The following PTPRD variants were observed in gnomAD, a reference collection of about 807,000 sequenced individuals.
PTPRD encodes receptor-type tyrosine-protein phosphatase delta.
In PTPRD, 34 loss-of-function variants were observed where a neutral mutation model predicts 214.5. The ratio of observed to expected loss-of-function variants is 0.16; its 90% CI spans 0.12 to 0.21. PTPRD has a LOEUF of 0.21. Among genes scored for constraint, PTPRD ranks in the 10% least tolerant of loss-of-function variants. The pLI, the probability that PTPRD is intolerant of heterozygous loss-of-function variation, is 1.00. For synonymous variants in PTPRD, 1,128 were observed against 845.7 expected (o/e 1.33, Z -5.79); for missense variants, 2,545 against 2,398.7 (o/e 1.06, Z -1.27).
intron 8 of PTPRD, among the ~76,000 whole-genome samples, chr9:9,511,012 A>C (rs1186514263): frequency 1.3e-5 from 2 of 151,766 alleles, no homozygotes; most frequent in Non-Finnish European, 1.5e-5. Flanking sequence ...AAAATTAATG[A>C]AGTCGAGCAA....
chr9:8,574,818 CCAAA>C (rs1443316704), intron 14 of PTPRD, among the ~76,000 whole-genome samples: 2 of 151,850 alleles, frequency 1.3e-5, no homozygotes, highest in African/African-American at 4.8e-5. Context: ...CTGCTGAACT[CCAAA>C]CAAACTTATA....
intron 5 of PTPRD, among the ~76,000 whole-genome samples, chr9:9,926,114 GC>G (rs1370717595): frequency 1.3e-5 from 2 of 152,124 alleles, no homozygotes; most frequent in Admixed American, 6.6e-5. Flanking sequence ...ACAGGCATCA[GC>G]CACTGCACCT....
chr9:9,336,005 T>C (rs1183044060), intron 9 of PTPRD, among the ~76,000 whole-genome samples: 1 of 151,988 alleles, frequency 6.6e-6, no homozygotes, highest in Non-Finnish European at 1.5e-5. Context: ...GAAATTGGAA[T>C]TTCAGGAAAA....
chr9:9,401,058 C>T (rs2070224761), intron 8 of PTPRD, among the ~76,000 whole-genome samples: 1 of 151,854 alleles, frequency 6.6e-6, no homozygotes, highest in African/African-American at 2.4e-5. Flanking sequence ...ATATTATTAC[C>T]TTCTCTGTAT....
intron 11 of PTPRD, among the ~76,000 whole-genome samples, chr9:8,829,394 T>A (rs1230531063): frequency 6.6e-6 from 1 of 152,178 alleles, no homozygotes; most frequent in Non-Finnish European, 1.5e-5. Flanking sequence ...TTTGTACCCT[T>A]TTGTTTCTGG....
chr9:10,352,638 G>GAA (rs2097202338), intron 2 of PTPRD, among the ~76,000 whole-genome samples: 1 of 151,980 alleles, frequency 6.6e-6, no homozygotes, highest in African/African-American at 2.4e-5. Context: ...GTAATTGAAT[G>GAA]TATTGCTTGT....
intron 2 of PTPRD, among the ~76,000 whole-genome samples, chr9:10,507,105 G>A (rs1292671907): frequency 6.6e-6 from 1 of 151,912 alleles, no homozygotes; most frequent in African/African-American, 2.4e-5. Flanking sequence ...AAAGTCTCGG[G>A]ATAAAAAATC....
At chr9:9,334,168 C>T (rs1027096526) in intron 9 of PTPRD, among the ~76,000 whole-genome samples, 1 of 151,936 alleles carries the variant, frequency 6.6e-6, no homozygotes, top group African/African-American at 2.4e-5. Context: ...TTACTTAAGT[C>T]TCACTCCAAA....
At chr9:8,926,136 C>T (rs1197966858) in intron 11 of PTPRD, among the ~76,000 whole-genome samples, 1 of 152,022 alleles carries the variant, frequency 6.6e-6, no homozygotes, top group Non-Finnish European at 1.5e-5. Context: ...GTGCCCTCTT[C>T]CATCATACTC....
intron 10 of PTPRD, among the ~76,000 whole-genome samples, chr9:9,035,805 A>C (rs778400749): frequency 2.6e-5 from 4 of 152,010 alleles, no homozygotes; most frequent in Non-Finnish European, 4.4e-5. Context: ...TGTAATGCAC[A>C]TGACAGTCTG....
chr9:8,490,822 A>G (rs13301979), intron 27 of PTPRD, among the ~76,000 whole-genome samples: 12,198 of 152,176 alleles, frequency 0.08, 658 homozygotes, highest in East Asian at 0.21. Flanking sequence ...GGTATAATAA[A>G]CAAATATCCC....
chr9:9,064,872 C>A lies in PTPRD; in HGVS notation c.-142-46137G>T, dbSNP rs144145856. ...TAAGCAAATAGCTTATGGGTCTAGA[C>A]AGCAGTCATGAAGATACAATACAAT... On this transcript the variant is annotated intron_variant, in intron 10 of 45. Coordinates refer to ENST00000381196, the MANE Select transcript of PTPRD (RefSeq NM_002839.4). Among the ~76,000 whole-genome samples the A allele has an allele frequency of 3.3e-5, 5 of 152,292 alleles. No individual in the cohort carries two copies. In the East Asian group the frequency reaches 5.8e-4, roughly 18 times the overall value.
intron 7 of PTPRD, among the ~76,000 whole-genome samples, chr9:9,692,024 A>T (rs1235335462): frequency 6.6e-6 from 1 of 151,970 alleles, no homozygotes; most frequent in East Asian, 1.9e-4. Context: ...CTGGTTATTA[A>T]TCTCCTGTCA....
chr9:8,393,590 G>C (rs892778182), intron 36 of PTPRD, among the ~76,000 whole-genome samples: 2 of 152,222 alleles, frequency 1.3e-5, no homozygotes, highest in South Asian at 4.1e-4. Context: ...CTTTGTTCAA[G>C]AACAGCTTAC....
At chr9:10,480,488 C>T (rs1439868175) in intron 2 of PTPRD, among the ~76,000 whole-genome samples, 1 of 151,758 alleles carries the variant, frequency 6.6e-6, no homozygotes, top group Non-Finnish European at 1.5e-5. Flanking sequence ...ATTCATATGC[C>T]ATACTCAAAG....
chr9:8,681,137 C>G (rs2097541803), intron 12 of PTPRD, among the ~76,000 whole-genome samples: 1 of 152,172 alleles, frequency 6.6e-6, no homozygotes, highest in Admixed American at 6.5e-5. Context: ...CATTCCCAAT[C>G]ACGCCTCATG....
intron 3 of PTPRD, among the ~76,000 whole-genome samples, chr9:10,332,366 T>A (rs1797248195): frequency 6.6e-6 from 1 of 151,798 alleles, no homozygotes; most frequent in Admixed American, 6.6e-5. Flanking sequence ...TCAGCAAGGA[T>A]CTCCTGCCCA....
chr9:9,129,583 T>C (rs1055899553), intron 10 of PTPRD, among the ~76,000 whole-genome samples: 2 of 152,136 alleles, frequency 1.3e-5, no homozygotes, highest in African/African-American at 4.8e-5. Flanking sequence ...GATTTACAAA[T>C]TTTATATCAC....
intron 8 of PTPRD, among the ~76,000 whole-genome samples, chr9:9,467,675 G>C (rs986082140): frequency 1.4e-5 from 2 of 147,736 alleles, no homozygotes; most frequent in African/African-American, 5.0e-5. Context: ...GATTTCAGTA[G>C]ATATTCTTGT....
Sources: gnomAD v4.1 joint callset for allele counts (sites outside exome capture counted in the v4.1 genomes callset) on GRCh38, gnomAD v4.1.1 for gene constraint, MANE v1.5 for transcripts, NCBI Gene and HGNC (gene_info 2026-07-23, HGNC 2026-07-21) for gene names.